WWOX: variants seen among roughly 807,000 people sequenced by gnomAD.
WWOX encodes the protein WW domain containing oxidoreductase.
WWOX carries 69 observed loss-of-function variants against 46.2 expected under a neutral mutation model. The observed-to-expected ratio is 1.49, with a 90% CI of 1.23 to 1.82. The LOEUF is 1.82. Among genes scored for constraint, WWOX ranks in the 40% most tolerant of loss-of-function variants. The probability of loss-of-function intolerance (pLI) is 0.00; values close to 1 mark genes in which losing one functional copy is unlikely to be tolerated. For missense variants in WWOX, 919 were observed against 542.6 expected, an observed-to-expected ratio of 1.69 and a Z score of -6.89; for synonymous variants, 359 against 202.6, an observed-to-expected ratio of 1.77 and a Z score of -6.56.
intron 8 of WWOX, among the ~76,000 whole-genome samples, chr16:78,673,142 C>T (rs1227873827): frequency 6.6e-6 from 1 of 152,184 alleles, no homozygotes; most frequent in Non-Finnish European, 1.5e-5. Flanking sequence ...GAAGGAACAG[C>T]TCAAGTCCTC....
intron 5 of WWOX, among the ~76,000 whole-genome samples, chr16:78,213,535 G>A (rs1010773431): frequency 6.6e-6 from 1 of 151,736 alleles, no homozygotes; most frequent in African/African-American, 2.4e-5. Flanking sequence ...GTGGCAATGC[G>A]AATGGCATCT....
At position 78,350,968 on chromosome 16, in the gene WWOX, T is replaced by TCTGAGAA. The variant is rs2081172669; in HGVS notation, c.517-35892_517-35891insCTGAGAA. Among the ~76,000 whole-genome samples, 2 of 56,194 alleles carry TCTGAGAA rather than the reference T, an allele frequency of 3.6e-5. 1 individual carries two copies. The highest frequency in any genetic ancestry group is 1.1e-4 in the Non-Finnish European group (2 of 17,596). 36.9% of individuals were successfully genotyped at this position (56,194 alleles called of 152,430 possible). A position where few individuals can be genotyped will look rare whatever the true frequency, so the allele number is the denominator to read the frequency against. On this transcript the variant is annotated intron_variant, in intron 5 of 8. Coordinates refer to ENST00000566780, the MANE Select transcript of WWOX (RefSeq NM_016373.4). ...TATCTTCACCAGCACTCGCTGTCAT[T>TCTGAGAA]TTTCTTTTTAGTCTTGTCATTTTAT...
chr16:78,482,745 G>A (rs1450360784), intron 8 of WWOX, among the ~76,000 whole-genome samples: 1 of 152,180 alleles, frequency 6.6e-6, no homozygotes, highest in Admixed American at 6.5e-5. Flanking sequence ...TTGGCGCTAA[G>A]ACTGTTTCTC....
Position 78,432,561 on chromosome 16 carries a change from G to T in WWOX, c.865G>T (p.Ala289Ser). The T allele has an allele frequency of 6.2e-7, 1 of 1,614,152 alleles. No homozygotes were observed. The highest frequency in any genetic ancestry group is 8.5e-7 in the Non-Finnish European group (1 of 1,180,010). The change falls in exon 8 of 9, where the codon GCG (alanine) becomes TCG (serine). Residue 289 changes from alanine (A) to serine (S), a missense_variant. By Grantham distance (99) the Ala-to-Ser change is moderately conservative. Coordinates refer to ENST00000566780, the MANE Select transcript of WWOX (RefSeq NM_016373.4). ...RLSPTKNDYWAMLAYNRSKLC... is the reference protein window; with the variant it reads ...RLSPTKNDYWSMLAYNRSKLC... ...CTCTCCAACAAAAAACGACTATTGG[G>T]CGATGCTGGCTTATAACAGGTCCAA...
At chr16:78,718,998 C>T (rs926420200) in intron 8 of WWOX, among the ~76,000 whole-genome samples, 1 of 152,016 alleles carries the variant, frequency 6.6e-6, no homozygotes, top group Non-Finnish European at 1.5e-5. Flanking sequence ...AGATCCCAGG[C>T]ACTCTTGGTA....
chr16:78,374,354 C>T (rs2081765322), intron 5 of WWOX, among the ~76,000 whole-genome samples: 1 of 151,960 alleles, frequency 6.6e-6, no homozygotes, highest in African/African-American at 2.4e-5. Flanking sequence ...TGAAATCCTT[C>T]CCCCCATAAA....
chr16:78,843,324 G>C (rs1212266344), intron 8 of WWOX, among the ~76,000 whole-genome samples: 2 of 150,146 alleles, frequency 1.3e-5, no homozygotes, highest in East Asian at 1.9e-4. Flanking sequence ...GGCTGGTAAA[G>C]CCACCTAGGT....
At chr16:79,129,222 G>C (rs1271417983) in intron 8 of WWOX, among the ~76,000 whole-genome samples, 4 of 151,696 alleles carry the variant, frequency 2.6e-5, no homozygotes, top group Non-Finnish European at 5.9e-5. Flanking sequence ...GAGACCATCA[G>C]GGCCTAGGAT....
intron 5 of WWOX, among the ~76,000 whole-genome samples, chr16:78,198,375 C>T (rs1216660821): frequency 6.6e-6 from 1 of 152,152 alleles, no homozygotes; most frequent in Non-Finnish European, 1.5e-5. Context: ...TATTTGATGT[C>T]AGTAGGAAAA....
intron 8 of WWOX, among the ~76,000 whole-genome samples, chr16:78,659,248 C>T (rs763960052): frequency 6.6e-6 from 1 of 152,140 alleles, no homozygotes; most frequent in African/African-American, 2.4e-5. Flanking sequence ...TCAATAACTA[C>T]GTGACTCACA....
intron 8 of WWOX, among the ~76,000 whole-genome samples, chr16:78,853,352 A>G (rs1210441944): frequency 6.6e-6 from 1 of 152,132 alleles, no homozygotes; most frequent in Non-Finnish European, 1.5e-5. Context: ...TGCTGGGATT[A>G]CAGGCGCATG....
rs554318968 is a variant in WWOX at position 78,968,575 on chromosome 16, C to T, written c.1057-243033C>T. On this transcript the variant is annotated intron_variant, in intron 8 of 8. Transcript: ENST00000566780. Reference sequence around the variant, plus strand: ...TGGTTTCACATGTAAACTTTGACCTCAGAGCAATGGGGCAGGCTTTTCCCA... The same window carrying T: ...TGGTTTCACATGTAAACTTTGACCTTAGAGCAATGGGGCAGGCTTTTCCCA... 2.6e-5 allele frequency among the ~76,000 whole-genome samples: 4 copies of T among 152,302 alleles called. 1 individual carries two copies. In the Middle Eastern group the frequency reaches 0.01, roughly 389 times the overall value.
rs536539337 is a variant in WWOX, at chr16:79,028,100, G to T, written c.1057-183508G>T. On this transcript the variant is annotated intron_variant, in intron 8 of 8. Transcript: ENST00000566780. ...CGAGTAGCTGAGACTACAGGCACCTGCCACGACGCCTGGCTAATTTTTGTA... is the reference window on the plus strand; with the variant it reads ...CGAGTAGCTGAGACTACAGGCACCTTCCACGACGCCTGGCTAATTTTTGTA... 5.9e-5 allele frequency among the ~76,000 whole-genome samples: 9 copies of T among 151,788 alleles called. 1 individual carries two copies. The highest frequency in any genetic ancestry group is 1.9e-4 in the African/African-American group (8 of 41,146).
At chr16:78,758,305 A>G (rs113346882) in intron 8 of WWOX, among the ~76,000 whole-genome samples, 83 of 152,336 alleles carry the variant, frequency 5.4e-4, no homozygotes, top group African/African-American at 1.9e-3. Context: ...CTTTGGGCAA[A>G]TGGAAGATGA....
At chr16:78,582,532 C>G (rs1452071259) in intron 8 of WWOX, among the ~76,000 whole-genome samples, 1 of 152,172 alleles carries the variant, frequency 6.6e-6, no homozygotes, top group East Asian at 1.9e-4. Context: ...GCATTTTGCA[C>G]AGAATTAAGA....
At chr16:78,460,056 C>G (rs961310688) in intron 8 of WWOX, among the ~76,000 whole-genome samples, 13 of 152,040 alleles carry the variant, frequency 8.6e-5, no homozygotes, top group African/African-American at 3.1e-4. Context: ...ATCCGCCCAC[C>G]TCGGCCTCCC....
At chr16:78,323,631 G>A (rs2080540619) in intron 5 of WWOX, among the ~76,000 whole-genome samples, 2 of 152,116 alleles carry the variant, frequency 1.3e-5, no homozygotes, top group African/African-American at 4.8e-5. Flanking sequence ...GTGAGGCTGT[G>A]GACTTTACTT....
At chr16:78,925,555 C>G (rs1003070219) in intron 8 of WWOX, among the ~76,000 whole-genome samples, 1 of 152,170 alleles carries the variant, frequency 6.6e-6, no homozygotes, top group African/African-American at 2.4e-5. Context: ...CACTAGGGAG[C>G]TATTGCTGTA....
intron 8 of WWOX, chr16:78,897,476 A>G (rs1365185656): frequency 6.6e-6 from 1 of 152,012 alleles, no homozygotes. Flanking sequence ...TGTTTTTGTG[A>G]TTCATCCATG....
Sources: gnomAD v4.1 joint callset for allele counts (sites outside exome capture counted in the v4.1 genomes callset) on GRCh38, gnomAD v4.1.1 for gene constraint, MANE v1.5 for transcripts, NCBI Gene and HGNC (gene_info 2026-07-23, HGNC 2026-07-21) for gene names.